TRPV1: variants seen among roughly 807,000 people sequenced by gnomAD.
TRPV1 encodes transient receptor potential cation channel subfamily V member 1, also known as OTRPC1.
TRPV1 carries 82 observed loss-of-function variants against 82.3 expected under a neutral mutation model. The observed-to-expected ratio is 1.00, with a 90% CI of 0.83 to 1.20. The LOEUF is 1.20. TRPV1 is among the 50% of genes most tolerant of loss of function. The pLI is 0.00. For missense variants in TRPV1, 1,067 were observed against 1,096.8 expected, an observed-to-expected ratio of 0.97 and a Z score of 0.38; for synonymous variants, 515 against 467.7, an observed-to-expected ratio of 1.10 and a Z score of -1.30.
intron 16 of TRPV1, among the ~76,000 whole-genome samples, chr17:3,570,982 G>T (rs2074844687): frequency 6.6e-6 from 1 of 152,190 alleles, no homozygotes. Context: ...CTCCCAAAGT[G>T]CTGGGATGAC....
intron 2 of TRPV1, among the ~76,000 whole-genome samples, chr17:3,593,685 C>G (rs1244932015): frequency 2.6e-5 from 4 of 152,182 alleles, no homozygotes; most frequent in Admixed American, 2.0e-4. Flanking sequence ...CCCCGCTGTC[C>G]TCCACACAGT....
chr17:3,577,782 AAAG>A lies in TRPV1; in HGVS notation c.1548-22_1548-20del. 1.9e-6 allele frequency: 3 copies of A among 1,581,154 alleles called. No homozygotes were observed. The highest frequency in any genetic ancestry group is 2.6e-6 in the Non-Finnish European group (3 of 1,163,832). ...CAGAAAGCTGCGGGTGGAGGGGCAG[AAAG>A]CTCCGTCTACGGGAACCCAGGAGGC... On this transcript the variant is annotated intron_variant, in intron 11 of 16. Coordinates refer to ENST00000572705, the MANE Select transcript of TRPV1 (RefSeq NM_080704.4).
Position 3,577,665 on chromosome 17 carries a change from C to T in TRPV1, c.1646G>A (p.Trp549Ter). The T allele has an allele frequency of 2.5e-6, 4 of 1,587,390 alleles. No individual in the cohort carries two copies. The highest frequency in any genetic ancestry group is 3.4e-6 in the Non-Finnish European group (4 of 1,167,204). Residue 549 changes from tryptophan (W) to a stop codon, truncating the protein, a stop_gained, in exon 12 of 17, where the codon TGG becomes TAG. Coordinates refer to ENST00000572705, the MANE Select transcript of TRPV1 (RefSeq NM_080704.4). LOFTEE classifies it high-confidence loss of function. ...ASMVFSLALGWTNMLYYTRGF... is the reference protein window; with the variant it reads ...ASMVFSLALG ...GCGGGTGTAGTAGAGCATGTTGGTC[C>T]AGCCCAAGGCCAGGGAGAATACCAT... is the stretch of plus-strand genomic sequence containing the variant.
In TRPV1 at chr17:3,577,198, G is replaced by A; in HGVS notation, c.1714-6C>T. 1.3e-6 allele frequency: 2 copies of A among 1,575,466 alleles called. No individual in the cohort carries two copies. Among genetic ancestry groups the A allele is most frequent in the Non-Finnish European group, 1.7e-6 (2 of 1,160,974 alleles). Reference sequence around the variant, plus strand: ...CACAGGTCTCTCAGGATCATCTGCAGGAGACAGCAGGCTCATCAGAGCCGA... The same window carrying A: ...CACAGGTCTCTCAGGATCATCTGCAAGAGACAGCAGGCTCATCAGAGCCGA... On this transcript the variant is annotated splice_region_variant and splice_polypyrimidine_tract_variant and intron_variant, in intron 12 of 16. Transcript: ENST00000572705.
intron 13 of TRPV1, among the ~76,000 whole-genome samples, chr17:3,575,218 C>T (rs1168392593): frequency 6.6e-6 from 1 of 152,054 alleles, no homozygotes. Context: ...TGTGGTGGCT[C>T]ATGCCTGTAA....
chr17:3,572,312 G>A, intron 14 of TRPV1, 63 bp from the exon 15 acceptor site: 1 of 1,537,484 alleles, frequency 6.5e-7, no homozygotes, highest in Non-Finnish European at 8.8e-7. Context: ...GGGCCACCCT[G>A]GCTGCCAGTA....
At chr17:3,581,486 G>A (rs1261480900) in intron 10 of TRPV1, among the ~76,000 whole-genome samples, 1 of 151,910 alleles carries the variant, frequency 6.6e-6, no homozygotes, top group Non-Finnish European at 1.5e-5. Flanking sequence ...AAGAAAGACA[G>A]TTGTCTCTGT....
rs199693122 is a variant in TRPV1 at position 3,589,983 on chromosome 17, G to A, written c.868C>T (p.His290Tyr). Residue 290 changes from histidine (H) to tyrosine (Y), a missense_variant, in exon 7 of 17, where the codon CAC becomes TAC. Coordinates refer to ENST00000572705, the MANE Select transcript of TRPV1 (RefSeq NM_080704.4). ...ARDSVGNTVL[H>Y]ALVEVADNTA... ...TTGTCGGCCACCTCCACCAGGGCGT[G>A]CAGCACCGTGTTGCCCACCGAGTCC... 1 of 1,560,624 alleles carries A rather than the reference G, an allele frequency of 6.4e-7. No homozygotes were observed. Among genetic ancestry groups the A allele is most frequent in the Non-Finnish European group, 8.7e-7 (1 of 1,152,888 alleles).
chr17:3,598,966 C>T (rs113478927), intron 2 of TRPV1, among the ~76,000 whole-genome samples: 2 of 150,364 alleles, frequency 1.3e-5, no homozygotes, highest in East Asian at 2.0e-4. Flanking sequence ...AGGCCGGGCG[C>T]GGTGGCTCAT....
Position 3,583,404 on chromosome 17 carries a change from TC to T in TRPV1, c.1409del (p.Gly470GlufsTer14). The T allele has an allele frequency of 6.2e-7, 1 of 1,607,990 alleles. No individual in the cohort carries two copies. Among genetic ancestry groups the T allele is most frequent in the Non-Finnish European group, 8.5e-7 (1 of 1,177,156 alleles). ...GLPPFKMEKT[G>X]DYFRVTGEIL... The stretch of plus-strand genomic sequence containing the variant: ...TCTCTCCAGTAACTCGGAAATAGTC[TC>T]CAGTTTTTTCCATCTTAAAGGGAGG... On this transcript the variant is annotated frameshift_variant, in exon 10 of 17. Transcript: ENST00000572705. LOFTEE classifies it high-confidence loss of function.
At position 3,565,989 on chromosome 17, in the gene TRPV1, T is replaced by C. The variant is rs200122533; in HGVS notation, c.*826A>G. 2.0e-5 allele frequency: 3 copies of C among 150,916 alleles called. No individual in the cohort carries two copies. The highest frequency in any genetic ancestry group is 7.3e-5 in the African/African-American group (3 of 40,898). 9.3% of individuals were successfully genotyped at this position (150,916 alleles called of 1,614,324 possible). ...GAGTTCGAGACCAGCCTGGCCAACA[T>C]GGTGAAACCCCGTCTCTATTAAAAA... On this transcript the variant is annotated 3_prime_UTR_variant, in exon 17 of 17. Transcript: ENST00000572705.
intron 16 of TRPV1, among the ~76,000 whole-genome samples, chr17:3,568,263 A>C (rs1221879130): frequency 2.7e-5 from 4 of 149,934 alleles, no homozygotes; most frequent in African/African-American, 4.9e-5. Context: ...TGGAGCTTGC[A>C]GTGAGCCAAG....
In TRPV1 at chr17:3,590,357, T is replaced by G. The variant is rs2075141504; in HGVS notation, c.640A>C (p.Asn214His). The G allele has an allele frequency of 1.2e-6, 2 of 1,613,864 alleles. No individual in the cohort carries two copies. Among genetic ancestry groups the G allele is most frequent in the Non-Finnish European group, 1.7e-6 (2 of 1,179,904 alleles). ...TALHIAIERR[N>H]MALVTLLVEN... ...ACCAGGAGGGTCACCAGGGCCATGT[T>G]GCGTCTCTCGATGGCGATGTGCAGT... Residue 214 changes from asparagine to histidine, a missense_variant, in exon 6 of 17, where the codon AAC (asparagine) becomes CAC (histidine). Physicochemically the swap from Asn to His is moderately conservative, Grantham distance 68 (BLOSUM62 1). Transcript: ENST00000572705.
In TRPV1 at chr17:3,572,104, G is replaced by A. The variant is rs2150825942; in HGVS notation, c.2231+18C>T. ...CCAAAGCTCCCAAGCCCTGATTCAG[G>A]TGGAGCCTGGGCATTACCTGAAGCA... On this transcript the variant is annotated intron_variant, in intron 15 of 16. Transcript: ENST00000572705. 5 of 1,610,058 alleles carry A rather than the reference G, an allele frequency of 3.1e-6. No individual in the cohort carries two copies. Among genetic ancestry groups the A allele is most frequent in the African/African-American group, 1.3e-5 (1 of 75,014 alleles).
chr17:3,607,218 C>A (rs991407946), intron 2 of TRPV1, among the ~76,000 whole-genome samples: 2 of 152,062 alleles, frequency 1.3e-5, no homozygotes, highest in Non-Finnish European at 2.9e-5. Context: ...GTAGCACATG[C>A]CTGTAATCTC....
chr17:3,573,548 C>CCCCCCCCCCCCCCCCCCCG, intron 14 of TRPV1, 85 bp downstream of exon 14: 1 of 411,100 alleles, frequency 2.4e-6, no homozygotes. Context: ...ACCACCCACC[C>CCCCCCCCCCCCCCCCCCCG]ACCTGCAGCC....
Position 3,592,282 on chromosome 17 carries a change from G to T in TRPV1, c.69C>A (p.Asp23Glu). ...TGGAGTTAGGGTCTCCATCCAGGGG[G>T]TCTGGGCAGGTGTCCTTTTGGAGTG... is the stretch of plus-strand genomic sequence containing the variant. Reference protein sequence around the residue: ...ADPLQKDTCPDPLDGDPNSRP... With the variant: ...ADPLQKDTCPEPLDGDPNSRP... Residue 23 changes from aspartate to glutamate, a missense_variant, in exon 3 of 17, where the codon GAC (aspartate) becomes GAA (glutamate). Physicochemically the swap from Asp to Glu is conservative, Grantham distance 45. Coordinates refer to ENST00000572705, the MANE Select transcript of TRPV1 (RefSeq NM_080704.4). 2 of 1,604,472 alleles carry T rather than the reference G, an allele frequency of 1.2e-6. No homozygotes were observed. The highest frequency in any genetic ancestry group is 4.5e-5 in the East Asian group (2 of 44,556).
rs776572094 is a variant in TRPV1, at chr17:3,592,367, G to A, written c.-17C>T. ...TTTCTTCATCCTTGCTGGATCCTCT[G>A]TGGCCCAGTGTGCAACCTGCAGCAG... On this transcript the variant is annotated 5_prime_UTR_variant, in exon 3 of 17. An upstream open reading frame in the 5' UTR gains an earlier in-frame stop. Coordinates refer to ENST00000572705, the MANE Select transcript of TRPV1 (RefSeq NM_080704.4). The A allele has an allele frequency of 6.3e-6, 10 of 1,575,046 alleles. No individual in the cohort carries two copies. The highest frequency in any genetic ancestry group is 2.3e-5 in the East Asian group (1 of 43,140).
chr17:3,608,037 A>T (rs927881172), intron 2 of TRPV1, among the ~76,000 whole-genome samples: 1 of 151,900 alleles, frequency 6.6e-6, no homozygotes, highest in Non-Finnish European at 1.5e-5. Flanking sequence ...CAACATGATG[A>T]AACTCCATCT....
Sources: allele counts gnomAD v4.1 joint callset (sites outside exome capture counted in the v4.1 genomes callset), GRCh38; gene constraint gnomAD v4.1.1; transcripts MANE v1.5; gene names NCBI Gene and HGNC (gene_info 2026-07-23, HGNC 2026-07-21).